The following CALN1 variants were observed in gnomAD, a reference collection of about 807,000 sequenced individuals.
CALN1 encodes the protein calneuron 1, also known as calcium-binding protein 8.
CALN1 carries 17 observed loss-of-function variants against 30.6 expected under a neutral mutation model. The ratio of observed to expected loss-of-function variants is 0.56; its 90% CI spans 0.38 to 0.83. CALN1 has a LOEUF of 0.83. Among genes scored for constraint, CALN1 ranks in the 40% least tolerant of loss-of-function variants. The pLI, the probability that CALN1 is intolerant of heterozygous loss-of-function variation, is 0.00. For missense variants in CALN1, 291 were observed against 354.9 expected, an observed-to-expected ratio of 0.82 and a Z score of 1.45; for synonymous variants, 156 against 131.4, an observed-to-expected ratio of 1.19 and a Z score of -1.28.
chr7:72,185,394 AAC>A (rs1477391982), intron 3 of CALN1, among the ~76,000 whole-genome samples: 1 of 152,172 alleles, frequency 6.6e-6, no homozygotes, highest in African/African-American at 2.4e-5. Flanking sequence ...TAGACCTGAA[AAC>A]ACAGATTGCG....
At chr7:72,302,866 C>T (rs960381638) in intron 2 of CALN1, among the ~76,000 whole-genome samples, 1 of 123,042 alleles carries the variant, frequency 8.1e-6, no homozygotes, top group African/African-American at 3.0e-5. Flanking sequence ...CCACTGCACT[C>T]CAGGCTTGGA....
chr7:72,202,739 C>A (rs2521204), intron 3 of CALN1, among the ~76,000 whole-genome samples: 1,545 of 152,252 alleles, frequency 0.01, 23 homozygotes, highest in African/African-American at 0.035. Flanking sequence ...GTACATATCA[C>A]CAATAAGCAG....
At chr7:71,853,488 A>G (rs930346622) in intron 5 of CALN1, among the ~76,000 whole-genome samples, 3 of 152,196 alleles carry the variant, frequency 2.0e-5, no homozygotes, top group East Asian at 1.9e-4. Flanking sequence ...AGTATACAAT[A>G]TATCTTTATT....
intron 2 of CALN1, among the ~76,000 whole-genome samples, chr7:72,300,198 A>T (rs1454797022): frequency 6.6e-6 from 1 of 152,174 alleles, no homozygotes; most frequent in Non-Finnish European, 1.5e-5. Context: ...AGTTGTTTTT[A>T]ACATACTGGT....
At chr7:71,817,372 G>A (rs1301598738) in intron 5 of CALN1, among the ~76,000 whole-genome samples, 5 of 151,918 alleles carry the variant, frequency 3.3e-5, no homozygotes, top group African/African-American at 4.8e-5. Flanking sequence ...GTTGATTTTC[G>A]TCACCTTTTT....
intron 4 of CALN1, among the ~76,000 whole-genome samples, chr7:72,037,620 T>C (rs1345466120): frequency 6.6e-6 from 1 of 152,216 alleles, no homozygotes; most frequent in African/African-American, 2.4e-5. Flanking sequence ...CACAGATCCC[T>C]GATATTTCGA....
At position 71,897,980 on chromosome 7, in the gene CALN1, A is replaced by C. The variant is rs1400923956; in HGVS notation, c.502-87488T>G. On this transcript the variant is annotated intron_variant, in intron 5 of 6. Coordinates refer to ENST00000395275, the MANE Select transcript of CALN1 (RefSeq NM_031468.4). The stretch of plus-strand genomic sequence containing the variant: ...TGGAAAAAAACAAAAAACAAAAAAA[A>C]AAAAAAAAAAAAGAGAGAGAGAGGG... Among the ~76,000 whole-genome samples the C allele has an allele frequency of 5.0e-5, 6 of 120,644 alleles. No individual in the cohort carries two copies. In the East Asian group the frequency reaches 7.9e-4, roughly 16 times the overall value. The allele number at this position is 120,644 out of a possible 152,430, so 79.1% of individuals were successfully genotyped here.
rs578062787 is a variant in CALN1, at chr7:71,937,188, A to T, written c.501+86469T>A. 2.0e-5 allele frequency among the ~76,000 whole-genome samples: 3 copies of T among 150,998 alleles called. No homozygotes were observed. The South Asian group carries it at 6.3e-4, about 32-fold the overall frequency. ...TGGGCATGGTGGTGCATGCCTGTAAACCCAGCTCCTTGGGAGGCTGCTTGA... is the reference window on the plus strand; with the variant it reads ...TGGGCATGGTGGTGCATGCCTGTAATCCCAGCTCCTTGGGAGGCTGCTTGA... On this transcript the variant is annotated intron_variant, in intron 5 of 6. Transcript: ENST00000395275.
At chr7:71,948,295 G>C (rs573695392) in intron 5 of CALN1, among the ~76,000 whole-genome samples, 14 of 152,170 alleles carry the variant, frequency 9.2e-5, no homozygotes, top group African/African-American at 3.4e-4. Context: ...GTCCCTTTTT[G>C]ATCAGCAAAT....
intron 5 of CALN1, among the ~76,000 whole-genome samples, chr7:71,845,104 G>C (rs553195095): frequency 6.6e-6 from 1 of 152,004 alleles, no homozygotes; most frequent in South Asian, 2.1e-4. Flanking sequence ...GGCTGGTCTC[G>C]AACTCCTGAC....
At chr7:72,343,820 G>A (rs922063967) in intron 2 of CALN1, among the ~76,000 whole-genome samples, 11 of 152,114 alleles carry the variant, frequency 7.2e-5, no homozygotes, top group Non-Finnish European at 1.0e-4. Flanking sequence ...TTCTCATTGT[G>A]GTGTCTCCAG....
intron 5 of CALN1, among the ~76,000 whole-genome samples, chr7:72,018,794 G>A (rs1800544445): frequency 6.6e-6 from 1 of 152,178 alleles, no homozygotes; most frequent in South Asian, 2.1e-4. Context: ...TGGCACTATA[G>A]GCTAGAACAC....
At chr7:71,963,676 C>A (rs762137476) in intron 5 of CALN1, among the ~76,000 whole-genome samples, 1 of 152,122 alleles carries the variant, frequency 6.6e-6, no homozygotes, top group Admixed American at 6.6e-5. Flanking sequence ...TTTTCCCTTA[C>A]CCCCTTGGTC....
At chr7:72,325,031 G>A (rs1371172699) in intron 2 of CALN1, among the ~76,000 whole-genome samples, 5 of 152,056 alleles carry the variant, frequency 3.3e-5, no homozygotes, top group African/African-American at 9.7e-5. Flanking sequence ...GGGTGCACTG[G>A]CTCCTACCTC....
chr7:71,847,497 C>A (rs2087837749), intron 5 of CALN1, among the ~76,000 whole-genome samples: 2 of 151,282 alleles, frequency 1.3e-5, no homozygotes, highest in Non-Finnish European at 1.5e-5. Context: ...TAAAACAAAA[C>A]CAAAACCAAA....
intron 5 of CALN1, among the ~76,000 whole-genome samples, chr7:72,021,134 G>T (rs1430282164): frequency 6.6e-6 from 1 of 152,070 alleles, no homozygotes; most frequent in South Asian, 2.1e-4. Flanking sequence ...ATATAGCAGG[G>T]TATGGTGGCT....
At chr7:72,132,747 G>C (rs1809241571) in intron 3 of CALN1, among the ~76,000 whole-genome samples, 1 of 152,094 alleles carries the variant, frequency 6.6e-6, no homozygotes, top group East Asian at 1.9e-4. Context: ...AATCAAATGA[G>C]GGTATTAGCA....
At chr7:72,263,736 A>T (rs1420862445) in intron 3 of CALN1, among the ~76,000 whole-genome samples, 1 of 152,128 alleles carries the variant, frequency 6.6e-6, no homozygotes, top group East Asian at 1.9e-4. Context: ...ATTTTTTGAC[A>T]AAGTTCTCTT....
chr7:71,909,865 C>T (rs1794334203), intron 5 of CALN1, among the ~76,000 whole-genome samples: 1 of 152,148 alleles, frequency 6.6e-6, no homozygotes, highest in African/African-American at 2.4e-5. Flanking sequence ...AGTCAGTTCT[C>T]ACATTGCTGC....
Sources: gnomAD v4.1 joint callset for allele counts (sites outside exome capture counted in the v4.1 genomes callset) on GRCh38, gnomAD v4.1.1 for gene constraint, MANE v1.5 for transcripts, NCBI Gene and HGNC (gene_info 2026-07-23, HGNC 2026-07-21) for gene names.